The following DACH1 variants were observed in gnomAD, a reference collection of about 807,000 sequenced individuals.
DACH1 encodes the protein dachshund homolog 1.
Under a neutral mutation model 54.2 loss-of-function variants are expected in DACH1, and 12 were observed. That is an observed-to-expected ratio of 0.22 (90% CI 0.14 to 0.36). DACH1 has a LOEUF of 0.36. DACH1 is among the 10% of genes least tolerant of loss of function. DACH1 has a pLI of 1.00. For missense variants in DACH1, 805 were observed against 929.8 expected (o/e 0.87, Z 1.75); for synonymous variants, 386 against 366.2 (o/e 1.05, Z -0.62).
In DACH1 at chr13:71,459,546, T is replaced by G. The variant is rs141500742; in HGVS notation, c.2083+15595A>C. ...GTCTTTATATTTTGTATTTATTAGC[T>G]AAACCATATGAAAGCATAGACCTTC... On this transcript the variant is annotated intron_variant, in intron 10 of 10. Transcript: ENST00000613252. 3.2e-4 allele frequency among the ~76,000 whole-genome samples: 49 copies of G among 152,068 alleles called. No individual in the cohort carries two copies. In the East Asian group the frequency reaches 8.9e-3, roughly 28 times the overall value.
At chr13:71,491,543 A>G (rs1026877384) in intron 6 of DACH1, among the ~76,000 whole-genome samples, 2 of 152,190 alleles carry the variant, frequency 1.3e-5, no homozygotes, top group African/African-American at 4.8e-5. Flanking sequence ...CATAGCGAAG[A>G]GACTACGTAA....
At chr13:71,568,377 T>C (rs1205216014) in intron 4 of DACH1, among the ~76,000 whole-genome samples, 1 of 151,966 alleles carries the variant, frequency 6.6e-6, no homozygotes, top group East Asian at 1.9e-4. Flanking sequence ...GTCTCTTCAT[T>C]GCACAATTCA....
At chr13:71,846,331 A>T (rs1873258623) in intron 1 of DACH1, 3 of 170,336 alleles carry the variant, frequency 1.8e-5, no homozygotes, top group Admixed American at 1.7e-4. Flanking sequence ...AACGAAAAGT[A>T]AATAAATAAA....
At chr13:71,590,869 C>CTCTT in intron 3 of DACH1, among the ~76,000 whole-genome samples, 2 of 136,108 alleles carry the variant, frequency 1.5e-5, no homozygotes, top group Non-Finnish European at 3.1e-5. Context: ...CTCTGTCTCT[C>CTCTT]TCTTTCTTTT....
At chr13:71,648,021 T>G (rs572245298) in intron 2 of DACH1, among the ~76,000 whole-genome samples, 1 of 152,224 alleles carries the variant, frequency 6.6e-6, no homozygotes, top group Admixed American at 6.5e-5. Context: ...GAATTTGATT[T>G]TTATATTTAG....
chr13:71,477,764 T>C (rs1877702149), intron 8 of DACH1, among the ~76,000 whole-genome samples: 2 of 152,180 alleles, frequency 1.3e-5, no homozygotes, highest in South Asian at 4.1e-4. Flanking sequence ...CGCTCACAGT[T>C]TCCTCCTACA....
At chr13:71,460,080 C>T (rs1184773041) in intron 10 of DACH1, among the ~76,000 whole-genome samples, 1 of 151,926 alleles carries the variant, frequency 6.6e-6, no homozygotes, top group Non-Finnish European at 1.5e-5. Flanking sequence ...AAGAGTCATA[C>T]ATAAAAACAC....
chr13:71,670,595 T>C (rs1480857051), intron 2 of DACH1, among the ~76,000 whole-genome samples: 1 of 152,108 alleles, frequency 6.6e-6, no homozygotes, highest in Non-Finnish European at 1.5e-5. Flanking sequence ...CTATAGAGTA[T>C]ATGTGAATAT....
At chr13:71,801,850 GAA>G (rs540836925) in intron 1 of DACH1, among the ~76,000 whole-genome samples, 1 of 86,580 alleles carries the variant, frequency 1.2e-5, no homozygotes. Flanking sequence ...ACTGAAAAAA[GAA>G]AAAAAAAAAA....
At chr13:71,566,295 G>A (rs577113745) in intron 4 of DACH1, among the ~76,000 whole-genome samples, 6 of 152,254 alleles carry the variant, frequency 3.9e-5, no homozygotes, top group African/African-American at 1.4e-4. Context: ...TGATGTGGGG[G>A]TACGACTACT....
rs144148784 is a variant in DACH1 at position 71,575,657 on chromosome 13, C to T, written c.1127-2645G>A. Reference sequence around the variant, plus strand: ...CTACCCATTTTCACATCTGTTTTTGCGTCACAGATATCAGTCCCTTGTGCA... The same window carrying T: ...CTACCCATTTTCACATCTGTTTTTGTGTCACAGATATCAGTCCCTTGTGCA... On this transcript the variant is annotated intron_variant, in intron 3 of 10. Coordinates refer to ENST00000613252, the MANE Select transcript of DACH1 (RefSeq NM_080759.6). Among the ~76,000 whole-genome samples the T allele has an allele frequency of 2.6e-4, 39 of 152,040 alleles. 1 individual carries two copies. The South Asian group carries it at 6.6e-3, about 26-fold the overall frequency.
intron 1 of DACH1, among the ~76,000 whole-genome samples, chr13:71,725,231 G>C (rs1259636470): frequency 1.3e-5 from 2 of 152,054 alleles, no homozygotes; most frequent in African/African-American, 4.8e-5. Context: ...CACCTTTCTT[G>C]ACAAAGCTTT....
intron 3 of DACH1, among the ~76,000 whole-genome samples, chr13:71,598,475 G>A (rs762615885): frequency 5.9e-5 from 9 of 151,942 alleles, no homozygotes; most frequent in African/African-American, 2.2e-4. Context: ...GGCTGGTCTC[G>A]AACTCCTGAC....
intron 1 of DACH1, among the ~76,000 whole-genome samples, chr13:71,686,784 C>G (rs1337213005): frequency 6.6e-6 from 1 of 152,104 alleles, no homozygotes; most frequent in Non-Finnish European, 1.5e-5. Context: ...GTGAAAGTAG[C>G]TGCCCAGCAG....
intron 1 of DACH1, among the ~76,000 whole-genome samples, chr13:71,752,880 G>A (rs1053260766): frequency 1.3e-5 from 2 of 152,086 alleles, no homozygotes; most frequent in Non-Finnish European, 2.9e-5. Context: ...ACCACCGTCA[G>A]ATAAAAGCAT....
intron 1 of DACH1, among the ~76,000 whole-genome samples, chr13:71,759,801 G>C (rs1885324883): frequency 2.0e-5 from 3 of 151,672 alleles, no homozygotes; most frequent in South Asian, 2.1e-4. Flanking sequence ...TACTTTGTCA[G>C]GGAGAAAAAA....
intron 8 of DACH1, among the ~76,000 whole-genome samples, chr13:71,477,694 T>G (rs1306185159): frequency 6.6e-6 from 1 of 152,122 alleles, no homozygotes; most frequent in African/African-American, 2.4e-5. Flanking sequence ...CTGAAATATT[T>G]ATTTGGATTG....
chr13:71,712,787 A>T (rs1213159430), intron 1 of DACH1, among the ~76,000 whole-genome samples: 1 of 152,106 alleles, frequency 6.6e-6, no homozygotes, highest in Non-Finnish European at 1.5e-5. Context: ...ATTTTTAATA[A>T]ACTATTTCCT....
intron 2 of DACH1, among the ~76,000 whole-genome samples, chr13:71,656,921 CATATATATAT>C (rs71123235): frequency 0.045 from 3,749 of 83,424 alleles, 158 homozygotes; most frequent in Admixed American, 0.13. Context: ...GTTCTTCTTT[CATATATATAT>C]ATATATATAT....
Sources: allele counts gnomAD v4.1 joint callset (sites outside exome capture counted in the v4.1 genomes callset), GRCh38; gene constraint gnomAD v4.1.1; transcripts MANE v1.5; gene names NCBI Gene and HGNC (gene_info 2026-07-23, HGNC 2026-07-21).